The following LRTM2 variants were observed in gnomAD, a reference collection of about 807,000 sequenced individuals.
The protein encoded by LRTM2 is leucine-rich repeat and transmembrane domain-containing protein 2.
LRTM2 carries 18 observed loss-of-function variants against 28.1 expected under a neutral mutation model. The ratio of observed to expected loss-of-function variants is 0.64; its 90% CI spans 0.44 to 0.95. The LOEUF (loss-of-function observed/expected upper bound fraction) is 0.95. Among genes scored for constraint, LRTM2 ranks in the 40% least tolerant of loss-of-function variants. The pLI, the probability that LRTM2 is intolerant of heterozygous loss-of-function variation, is 0.00. For missense variants in LRTM2, 436 were observed against 497.2 expected (o/e 0.88, Z 1.17); for synonymous variants, 250 against 218.7 (o/e 1.14, Z -1.26).
chr12:1,830,854 G>A, intron 3 of LRTM2, 81 bp from the exon 4 acceptor site: 3 of 1,188,796 alleles, frequency 2.5e-6, no homozygotes, highest in East Asian at 2.6e-5. Context: ...AGCCTGTTAT[G>A]AGCTAGAAAG....
rs1273418458 is a variant in LRTM2 at position 1,833,518 on chromosome 12, A to C, written c.659-749A>C. 1.3e-5 allele frequency among the ~76,000 whole-genome samples: 2 copies of C among 152,006 alleles called. No individual in the cohort carries two copies. Among genetic ancestry groups the C allele is most frequent in the Non-Finnish European group, 2.9e-5 (2 of 67,992 alleles). On this transcript the variant is annotated intron_variant, in intron 4 of 4. Transcript: ENST00000299194. The surrounding 1 kb of genome is among the most constrained non-coding windows in gnomAD (Gnocchi z 4.2). ...TGCGCCCAGGTACCCACACCTCCTC[A>C]TCAACACCAGCCTCCTCTCCTTGGC...
chr12:1,820,649 G>GT lies in LRTM2; in HGVS notation c.-423dup, dbSNP rs1864060333. ...CAAGCAGTCCACCTCCTGGTGCTGT[G>GT]TGCTGCGTGCCAGCCGCTGCTCCCG... On this transcript the variant is annotated 5_prime_UTR_variant, in exon 1 of 5. Transcript: ENST00000299194. This position sits in a 1 kb window ranked among gnomAD's most constrained non-coding sequence, Gnocchi z 6.0. 1 of 152,416 alleles carries GT rather than the reference G, an allele frequency of 6.6e-6. No individual in the cohort carries two copies. Among genetic ancestry groups the GT allele is most frequent in the South Asian group, 2.1e-4 (1 of 4,834 alleles). 9.4% of individuals were successfully genotyped at this position (152,416 alleles called of 1,614,324 possible). A position where few individuals can be genotyped will look rare whatever the true frequency, so the allele number is the denominator to read the frequency against.
intron 2 of LRTM2, 126 bp from the exon 3 acceptor site, chr12:1,827,950 A>C: frequency 4.3e-5 from 18 of 414,652 alleles, no homozygotes; most frequent in Admixed American, 8.7e-5. Context: ...CACCCAGGGA[A>C]TCATAACTGA....
chr12:1,832,500 T>C (rs1425445858), intron 4 of LRTM2, among the ~76,000 whole-genome samples: 1 of 152,244 alleles, frequency 6.6e-6, no homozygotes, highest in African/African-American at 2.4e-5. Context: ...CAATGAATGT[T>C]TGCTGGGCTA....
rs750113466 is a variant in LRTM2, at chr12:1,831,376, C to G, written c.509C>G (p.Ser170Trp). Residue 170 changes from serine to tryptophan, a missense_variant, in exon 4 of 5, where the codon TCG (serine) becomes TGG (tryptophan). Coordinates refer to ENST00000299194, the MANE Select transcript of LRTM2 (RefSeq NM_001039029.3). Reference sequence around the variant, plus strand: ...GGGCTCCTGGCTCTGCGCTCCCTCTCGCTTCGCTCCAACCGTCTGCAGAAT... The same window carrying G: ...GGGCTCCTGGCTCTGCGCTCCCTCTGGCTTCGCTCCAACCGTCTGCAGAAT... ...FDGLLALRSL[S>W]LRSNRLQNLD... 8.4e-5 allele frequency: 136 copies of G among 1,613,910 alleles called. No homozygotes were observed. Among genetic ancestry groups the G allele is most frequent in the Non-Finnish European group, 1.1e-4 (133 of 1,180,044 alleles).
At chr12:1,826,413 C>T (rs1362672461) in intron 1 of LRTM2, among the ~76,000 whole-genome samples, 4 of 135,474 alleles carry the variant, frequency 3.0e-5, no homozygotes, top group Non-Finnish European at 6.5e-5. Flanking sequence ...CCCCCCCCCC[C>T]CCCGCCAACT....
At chr12:1,826,400 G>GCCCCTC (rs1864318617) in intron 1 of LRTM2, among the ~76,000 whole-genome samples, 1 of 57,088 alleles carries the variant, frequency 1.8e-5, no homozygotes, top group Non-Finnish European at 4.0e-5. Flanking sequence ...TGAACCCAGA[G>GCCCCTC]CCCCCCCCCC....
In LRTM2 at chr12:1,828,707, C is replaced by T. The variant is rs771569565; in HGVS notation, c.67+492C>T. ...GCTCCTTATGCCTCCGCTTTCCCAA[C>T]TCTCGGTAGAGGACCTAGTGGGCTC... On this transcript the variant is annotated intron_variant, in intron 3 of 4. Coordinates refer to ENST00000299194, the MANE Select transcript of LRTM2 (RefSeq NM_001039029.3). The surrounding 1 kb of genome is among the most constrained non-coding windows in gnomAD (Gnocchi z 4.2). 3.9e-5 allele frequency among the ~76,000 whole-genome samples: 6 copies of T among 152,234 alleles called. No homozygotes were observed. Among genetic ancestry groups the T allele is most frequent in the Non-Finnish European group, 7.3e-5 (5 of 68,044 alleles).
chr12:1,824,239 C>G lies in LRTM2; in HGVS notation c.-258-3171C>G, dbSNP rs181189856. Among the ~76,000 whole-genome samples the G allele has an allele frequency of 3.7e-4, 56 of 152,284 alleles. 1 individual carries two copies. In the East Asian group the frequency reaches 8.7e-3, roughly 24 times the overall value. On this transcript the variant is annotated intron_variant, in intron 1 of 4. Transcript: ENST00000299194. ...GTGCCCGGCCTAGTCGTATCAAACTCAAATATGCATGAAAATCCCCTGGGG... is the reference window on the plus strand; with the variant it reads ...GTGCCCGGCCTAGTCGTATCAAACTGAAATATGCATGAAAATCCCCTGGGG...
chr12:1,829,284 C>T lies in LRTM2; in HGVS notation c.67+1069C>T, dbSNP rs80195366. ...GATCCTTTTGAGAGGGAGCTGAATG[C>T]GTTGGATTTTATTTCCTGGGGAAAG... On this transcript the variant is annotated intron_variant, in intron 3 of 4. Transcript: ENST00000299194. The surrounding 1 kb of genome is among the most constrained non-coding windows in gnomAD (Gnocchi z 4.2). Among the ~76,000 whole-genome samples, 26 of 152,168 alleles carry T rather than the reference C, an allele frequency of 1.7e-4. No homozygotes were observed. The East Asian group carries it at 4.1e-3, about 24-fold the overall frequency.
chr12:1,831,056 C>T lies in LRTM2; in HGVS notation c.189C>T (p.Pro63=), dbSNP rs373151998. 154 of 1,613,944 alleles carry T rather than the reference C, an allele frequency of 9.5e-5. No individual in the cohort carries two copies. The highest frequency in any genetic ancestry group is 1.2e-4 in the Non-Finnish European group (143 of 1,180,046). ...GTGGCCTTGGCCTCACCACGGTGCC[C>T]CCAGACGTGCCCGCAGCCACCCGAA... is the stretch of plus-strand genomic sequence containing the variant. ...DCSGLGLTTV[P]PDVPAATRTL... Residue 63 remains proline (P), a synonymous_variant, in exon 4 of 5, where the codon CCC becomes CCT. Coordinates refer to ENST00000299194, the MANE Select transcript of LRTM2 (RefSeq NM_001039029.3).
In LRTM2 at chr12:1,828,106, C is replaced by T; in HGVS notation, c.-43C>T. On this transcript the variant is annotated 5_prime_UTR_variant, in exon 3 of 5. Transcript: ENST00000299194. The surrounding 1 kb of genome is among the most constrained non-coding windows in gnomAD (Gnocchi z 4.2). ...ACAGGCGGCGCACCCAGGGGCTCCT[C>T]TCTCCCCAGAGCGACAGGGCCCGGA... 6.7e-7 allele frequency: 1 copy of T among 1,485,948 alleles called. No homozygotes were observed. The highest frequency in any genetic ancestry group is 1.3e-5 in the South Asian group (1 of 75,784). The allele number at this position is 1,485,948 out of a possible 1,614,324, so 92.0% of individuals were successfully genotyped here. A position where few individuals can be genotyped will look rare whatever the true frequency, so the allele number is the denominator to read the frequency against.
chr12:1,830,225 G>C (rs1030636500), intron 3 of LRTM2, among the ~76,000 whole-genome samples: 2 of 152,246 alleles, frequency 1.3e-5, no homozygotes, highest in Non-Finnish European at 2.9e-5. Context: ...AAGTGGGTTT[G>C]TACATCTTAG....
At chr12:1,822,930 T>G (rs942801545) in intron 1 of LRTM2, among the ~76,000 whole-genome samples, 14 of 152,160 alleles carry the variant, frequency 9.2e-5, no homozygotes, top group African/African-American at 3.4e-4. Context: ...TCAGCCTTCC[T>G]GGGGTTGGTG....
At chr12:1,823,515 G>A (rs962913195) in intron 1 of LRTM2, among the ~76,000 whole-genome samples, 9 of 152,180 alleles carry the variant, frequency 5.9e-5, no homozygotes, top group African/African-American at 1.2e-4. Flanking sequence ...ACTCAGCTCC[G>A]CATGTGGAAC....
In LRTM2 at chr12:1,834,576, T is replaced by A; in HGVS notation, c.968T>A (p.Ile323Asn). The stretch of plus-strand genomic sequence containing the variant: ...GGGGTCGTGTGCGGCGTCGTCTGCA[T>A]CATGATGGTGGTGGCCGCTGCCTAT... ...IAGVVCGVVC[I>N]MMVVAAAYGC... is the part of the protein sequence containing the mutation. The change falls in exon 5 of 5, where the codon ATC becomes AAC. Residue 323 changes from isoleucine (I) to asparagine (N), a missense_variant. Physicochemically the swap from Ile to Asn is moderately radical, Grantham distance 149. Transcript: ENST00000299194. This position sits in a 1 kb window ranked among gnomAD's most constrained non-coding sequence, Gnocchi z 7.6. 1 of 1,601,222 alleles carries A rather than the reference T, an allele frequency of 6.2e-7. No homozygotes were observed. Among genetic ancestry groups the A allele is most frequent in the Non-Finnish European group, 8.5e-7 (1 of 1,179,906 alleles).
chr12:1,831,286 C>G lies in LRTM2; in HGVS notation c.419C>G (p.Pro140Arg), dbSNP rs748621254. 3.7e-6 allele frequency: 6 copies of G among 1,613,716 alleles called. No homozygotes were observed. Among genetic ancestry groups the G allele is most frequent in the Non-Finnish European group, 4.2e-6 (5 of 1,180,028 alleles). ...TLDRDLLRHS[P>R]LLRHLDLSIN... is the part of the protein sequence containing the mutation. ...GACAGGGACCTGCTGCGGCACTCGC[C>G]GCTGCTCCGCCACCTGGACCTGTCC... is the stretch of plus-strand genomic sequence containing the variant. Residue 140 changes from proline to arginine, a missense_variant, in exon 4 of 5, where the codon CCG (proline) becomes CGG (arginine). Pro to Arg is a moderately radical substitution (Grantham distance 103). Coordinates refer to ENST00000299194, the MANE Select transcript of LRTM2 (RefSeq NM_001039029.3).
In LRTM2 at chr12:1,833,217, G is replaced by A. The variant is rs1864707796; in HGVS notation, c.659-1050G>A. ...TCCCAGGGAAAGATTGATGCCTATT[G>A]TATGAGGAGACTTGCGGCAGATGGG... On this transcript the variant is annotated intron_variant, in intron 4 of 4. Coordinates refer to ENST00000299194, the MANE Select transcript of LRTM2 (RefSeq NM_001039029.3). The surrounding 1 kb of genome is among the most constrained non-coding windows in gnomAD (Gnocchi z 4.2). Among the ~76,000 whole-genome samples the A allele has an allele frequency of 1.3e-5, 2 of 152,240 alleles. No homozygotes were observed. Among genetic ancestry groups the A allele is most frequent in the Non-Finnish European group, 2.9e-5 (2 of 68,040 alleles).
Position 1,834,162 on chromosome 12 carries a change from TA to T in LRTM2, c.659-100del. 1 of 1,343,238 alleles carries T rather than the reference TA, an allele frequency of 7.4e-7. No homozygotes were observed. The highest frequency in any genetic ancestry group is 9.9e-7 in the Non-Finnish European group (1 of 1,006,246). The allele number at this position is 1,343,238 out of a possible 1,614,324, so 83.2% of individuals were successfully genotyped here. ...ATTCCAGGATTGACTACATTGCTGA[TA>T]AAAACTACCTTCTGGGGCTTCCGTT... On this transcript the variant is annotated intron_variant, in intron 4 of 4. Transcript: ENST00000299194. This position sits in a 1 kb window ranked among gnomAD's most constrained non-coding sequence, Gnocchi z 7.6.
Sources: allele counts gnomAD v4.1 joint callset (sites outside exome capture counted in the v4.1 genomes callset), GRCh38; gene constraint gnomAD v4.1.1; non-coding constraint Gnocchi (gnomAD v3.1); transcripts MANE v1.5; gene names NCBI Gene and HGNC (gene_info 2026-07-23, HGNC 2026-07-21).